Variants in ZNF706 observed in about 807,000 individuals in gnomAD.
ZNF706 encodes the protein zinc finger protein 706.
In ZNF706, 4 loss-of-function variants were observed where a neutral mutation model predicts 9.2. That is an observed-to-expected ratio of 0.43 (90% CI 0.21 to 0.99). ZNF706 has a LOEUF of 0.99. ZNF706 is among the 50% of genes least tolerant of loss of function. The pLI is 0.26. For missense variants in ZNF706, 27 were observed against 87.8 expected, an observed-to-expected ratio of 0.31 and a Z score of 2.77; for synonymous variants, 28 against 27.3, an observed-to-expected ratio of 1.03 and a Z score of -0.08.
chr8:101,203,164 A>T (rs1810625659), intron 1 of ZNF706: 1 of 152,106 alleles, frequency 6.6e-6, no homozygotes, highest in African/African-American at 2.4e-5. Context: ...ACCCAAATGG[A>T]TTAAAACAAA....
rs1810569697 is a variant in ZNF706 at position 101,201,850 on chromosome 8, C to T, written c.-2-107G>A. On this transcript the variant is annotated intron_variant, in intron 1 of 3. Coordinates refer to ENST00000311212, the MANE Select transcript of ZNF706 (RefSeq NM_016096.5). The surrounding 1 kb of genome is among the most constrained non-coding windows in gnomAD (Gnocchi z 4.5). ...GAAGCCTTAAGTTTTATAGAAATAT[C>T]TGGCAAATAAAAATTTATAGGTATT... 7.5e-6 allele frequency: 9 copies of T among 1,199,670 alleles called. No individual in the cohort carries two copies. The South Asian group carries it at 1.2e-4, about 16-fold the overall frequency. 74.3% of individuals were successfully genotyped at this position (1,199,670 alleles called of 1,614,324 possible).
rs1810435666 is a variant in ZNF706 at position 101,198,326 on chromosome 8, C to T, written c.*926G>A. ...TCCAGCCACAAGTCATTCCAATCTT[C>T]CTGTTAATGCAAAATCCATTTGTAA... On this transcript the variant is annotated 3_prime_UTR_variant, in exon 4 of 4. Transcript: ENST00000311212. 6.6e-6 allele frequency: 1 copy of T among 152,154 alleles called. No homozygotes were observed. Among genetic ancestry groups the T allele is most frequent in the African/African-American group, 2.4e-5 (1 of 41,448 alleles). 9.4% of individuals were successfully genotyped at this position (152,154 alleles called of 1,614,324 possible).
chr8:101,204,898 T>C (rs1272965888), intron 1 of ZNF706: 1 of 985,674 alleles, frequency 1.0e-6, no homozygotes, highest in Non-Finnish European at 1.2e-6. Flanking sequence ...ATCCTGACCC[T>C]AGCTTTTAAC....
Position 101,204,722 on chromosome 8 carries a change from G to A in ZNF706, c.-3+713C>T, listed in dbSNP as rs923123711. The A allele has an allele frequency of 1.5e-5, 15 of 985,334 alleles. No homozygotes were observed. The Admixed American group carries it at 4.3e-4, about 28-fold the overall frequency. The allele number at this position is 985,334 out of a possible 1,614,324, so 61.0% of individuals were successfully genotyped here. ...CAAAGAGGGAAGTAGTGGAAGAAAC[G>A]AGTTCTAAAATGAGGCGCTCTCGTA... On this transcript the variant is annotated intron_variant, in intron 1 of 3. Transcript: ENST00000311212.
chr8:101,199,223 A>G lies in ZNF706; in HGVS notation c.*29T>C, dbSNP rs1354946427. 8.5e-6 allele frequency: 6 copies of G among 702,000 alleles called. No individual in the cohort carries two copies. The highest frequency in any genetic ancestry group is 1.3e-5 in the Non-Finnish European group (5 of 384,510). 43.5% of individuals were successfully genotyped at this position (702,000 alleles called of 1,614,324 possible). ...AGGTCTGAGACAGTAGAAGAGTCAA[A>G]GGTGTCATGAATTCACCTATAAAAC... is the stretch of plus-strand genomic sequence containing the variant. On this transcript the variant is annotated 3_prime_UTR_variant, in exon 4 of 4. Transcript: ENST00000311212.
At chr8:101,203,695 T>G (rs1810646419) in intron 1 of ZNF706, 1 of 152,206 alleles carries the variant, frequency 6.6e-6, no homozygotes. Flanking sequence ...TACATTTTCG[T>G]AATTGAAAAT....
intron 2 of ZNF706, chr8:101,200,375 T>A: frequency 3.9e-6 from 1 of 255,256 alleles, no homozygotes; most frequent in Non-Finnish European, 7.8e-6. Flanking sequence ...CCTTATTATA[T>A]TAAGCATGTT....
chr8:101,203,972 A>G (rs924536734), intron 1 of ZNF706: 2 of 152,198 alleles, frequency 1.3e-5, no homozygotes, highest in African/African-American at 4.8e-5. Flanking sequence ...ATGTATACCA[A>G]TGTTTTGCAA....
intron 1 of ZNF706, chr8:101,203,516 A>G (rs1810639881): frequency 6.6e-6 from 1 of 152,186 alleles, no homozygotes; most frequent in Non-Finnish European, 1.5e-5. Context: ...TTCCCCAAAA[A>G]AGGAAACTAA....
In ZNF706 at chr8:101,205,566, A is replaced by T; in HGVS notation, c.-134T>A. 1 of 162,818 alleles carries T rather than the reference A, an allele frequency of 6.1e-6. No homozygotes were observed. The highest frequency in any genetic ancestry group is 1.3e-5 in the Non-Finnish European group (1 of 75,822). The allele number at this position is 162,818 out of a possible 1,614,324, so 10.1% of individuals were successfully genotyped here. On this transcript the variant is annotated 5_prime_UTR_variant, in exon 1 of 4. Transcript: ENST00000311212. The surrounding 1 kb of genome is among the most constrained non-coding windows in gnomAD (Gnocchi z 6.6). ...CCTCCACCCGCTCAGGAGGGGAAAC[A>T]CGAGAGCCGGGAGCACAACAGCCTC...
chr8:101,201,133 T>G lies in ZNF706; in HGVS notation c.135+474A>C, dbSNP rs1810542386. The G allele has an allele frequency of 1.9e-5, 3 of 158,816 alleles. No homozygotes were observed. Among genetic ancestry groups the G allele is most frequent in the Admixed American group, 1.3e-4 (2 of 15,888 alleles). 9.8% of individuals were successfully genotyped at this position (158,816 alleles called of 1,614,324 possible). A position where few individuals can be genotyped will look rare whatever the true frequency, so the allele number is the denominator to read the frequency against. ...AAGCACTCAAAAGTAGCTGTTATTATTACAGTTCTTCAAATCTAATACAAC... is the reference window on the plus strand; with the variant it reads ...AAGCACTCAAAAGTAGCTGTTATTAGTACAGTTCTTCAAATCTAATACAAC... On this transcript the variant is annotated intron_variant, in intron 2 of 3. Transcript: ENST00000311212. This position sits in a 1 kb window ranked among gnomAD's most constrained non-coding sequence, Gnocchi z 4.5.
Position 101,201,794 on chromosome 8 carries a change from G to A in ZNF706, c.-2-51C>T. 1.3e-6 allele frequency: 2 copies of A among 1,577,340 alleles called. No homozygotes were observed. The highest frequency in any genetic ancestry group is 1.4e-5 in the African/African-American group (1 of 73,442). ...AGTGGCTTATTTACTCTAATACAGAGTAATCAAAGCATAAGAACGTTCTTA... is the reference window on the plus strand; with the variant it reads ...AGTGGCTTATTTACTCTAATACAGAATAATCAAAGCATAAGAACGTTCTTA... On this transcript the variant is annotated intron_variant, in intron 1 of 3. Transcript: ENST00000311212. The surrounding 1 kb of genome is among the most constrained non-coding windows in gnomAD (Gnocchi z 4.5).
intron 3 of ZNF706, 134 bp downstream of exon 3, chr8:101,199,856 G>A: frequency 1.6e-6 from 1 of 636,222 alleles, no homozygotes; most frequent in Non-Finnish European, 2.7e-6. Context: ...GGACTTTTCA[G>A]TTACACATTA....
chr8:101,199,243 T>C lies in ZNF706; in HGVS notation c.*13-4A>G, dbSNP rs985627763. On this transcript the variant is annotated splice_region_variant and splice_polypyrimidine_tract_variant and intron_variant, in intron 3 of 3. Coordinates refer to ENST00000311212, the MANE Select transcript of ZNF706 (RefSeq NM_016096.5). ...GTCAAAGGTGTCATGAATTCACCTA[T>C]AAAACATAAGCAAAATTTTCAATGA... The C allele has an allele frequency of 2.6e-5, 18 of 701,792 alleles. No individual in the cohort carries two copies. In the East Asian group the frequency reaches 3.0e-4, roughly 12 times the overall value. The allele number at this position is 701,792 out of a possible 1,614,324, so 43.5% of individuals were successfully genotyped here.
At position 101,201,359 on chromosome 8, in the gene ZNF706, T is replaced by G; in HGVS notation, c.135+248A>C. The G allele has an allele frequency of 2.2e-6, 1 of 463,122 alleles. No homozygotes were observed. The highest frequency in any genetic ancestry group is 3.8e-6 in the Non-Finnish European group (1 of 262,136). The allele number at this position is 463,122 out of a possible 1,614,324, so 28.7% of individuals were successfully genotyped here. ...TGCCCTTATGAAGACATCTTTATTT[T>G]ATATGAGGAAAGCAATTTTGTTTTG... On this transcript the variant is annotated intron_variant, in intron 2 of 3. Coordinates refer to ENST00000311212, the MANE Select transcript of ZNF706 (RefSeq NM_016096.5). This position sits in a 1 kb window ranked among gnomAD's most constrained non-coding sequence, Gnocchi z 4.5.
rs1336855934 is a variant in ZNF706 at position 101,197,655 on chromosome 8, C to G, written c.*1597G>C. On this transcript the variant is annotated 3_prime_UTR_variant, in exon 4 of 4. Coordinates refer to ENST00000311212, the MANE Select transcript of ZNF706 (RefSeq NM_016096.5). Reference sequence around the variant, plus strand: ...ATTTAACCAGAACTTCTGCAATATCCACAAGAAATTAGGTAAAATTCTAAC... The same window carrying G: ...ATTTAACCAGAACTTCTGCAATATCGACAAGAAATTAGGTAAAATTCTAAC... 6.6e-6 allele frequency: 1 copy of G among 152,036 alleles called. No homozygotes were observed. The highest frequency in any genetic ancestry group is 1.5e-5 in the Non-Finnish European group (1 of 68,004). 9.4% of individuals were successfully genotyped at this position (152,036 alleles called of 1,614,324 possible). A position where few individuals can be genotyped will look rare whatever the true frequency, so the allele number is the denominator to read the frequency against.
upstream of ZNF706, chr8:101,206,170 C>T (rs1316248659): frequency 6.6e-6 from 1 of 152,358 alleles, no homozygotes; most frequent in Admixed American, 6.5e-5. Flanking sequence ...AGCCCCGCCA[C>T]CCAGGACACC....
Position 101,201,459 on chromosome 8 carries a change from G to T in ZNF706, c.135+148C>A. On this transcript the variant is annotated intron_variant, in intron 2 of 3. Coordinates refer to ENST00000311212, the MANE Select transcript of ZNF706 (RefSeq NM_016096.5). The surrounding 1 kb of genome is among the most constrained non-coding windows in gnomAD (Gnocchi z 4.5). Reference sequence around the variant, plus strand: ...CATTCAAAAAATATTTGTTTAAAGGGTGAATGAAAATAGATACCTAAAATA... The same window carrying T: ...CATTCAAAAAATATTTGTTTAAAGGTTGAATGAAAATAGATACCTAAAATA... 1.4e-6 allele frequency: 1 copy of T among 733,880 alleles called. No individual in the cohort carries two copies. Among genetic ancestry groups the T allele is most frequent in the Non-Finnish European group, 2.1e-6 (1 of 469,844 alleles). 45.5% of individuals were successfully genotyped at this position (733,880 alleles called of 1,614,324 possible).
intron 1 of ZNF706, chr8:101,202,271 T>C (rs1196029727): frequency 7.5e-5 from 8 of 106,076 alleles, no homozygotes; most frequent in African/African-American, 3.2e-4. Flanking sequence ...AAACCCTGTC[T>C]CTACTAAAAA....
Sources: allele counts gnomAD v4.1 joint callset, GRCh38; gene constraint gnomAD v4.1.1; non-coding constraint Gnocchi (gnomAD v3.1); transcripts MANE v1.5; gene names NCBI Gene and HGNC (gene_info 2026-07-23, HGNC 2026-07-21).